The following GPC5 variants were observed in gnomAD, a reference collection of about 807,000 sequenced individuals.
GPC5 encodes glypican 5, also known as glypican-5.
A neutral mutation model predicts 53.9 loss-of-function variants in GPC5; 47 were observed. That is an observed-to-expected ratio of 0.87 (90% CI 0.69 to 1.11). GPC5 has a LOEUF of 1.11. GPC5 is among the 50% of genes most tolerant of loss of function. GPC5 has a pLI of 0.00. For missense variants in GPC5, 748 were observed against 713.1 expected, an observed-to-expected ratio of 1.05 and a Z score of -0.56; for synonymous variants, 286 against 263.3, an observed-to-expected ratio of 1.09 and a Z score of -0.84.
intron 6 of GPC5, among the ~76,000 whole-genome samples, chr13:92,056,868 G>A (rs2041078653): frequency 6.6e-6 from 1 of 152,122 alleles, no homozygotes; most frequent in African/African-American, 2.4e-5. Flanking sequence ...ACCCAGATAA[G>A]GAGGAAAATA....
chr13:92,031,433 C>T (rs2040840396), intron 6 of GPC5, among the ~76,000 whole-genome samples: 1 of 151,684 alleles, frequency 6.6e-6, no homozygotes, highest in African/African-American at 2.4e-5. Context: ...GGTGGTTCTA[C>T]TTTTAGTTCT....
At chr13:92,428,545 G>A (rs985610729) in intron 7 of GPC5, among the ~76,000 whole-genome samples, 7 of 152,036 alleles carry the variant, frequency 4.6e-5, no homozygotes, top group African/African-American at 1.7e-4. Flanking sequence ...TCTGATCATT[G>A]TTGGCTCAAA....
At chr13:92,433,086 T>C (rs577147068) in intron 7 of GPC5, among the ~76,000 whole-genome samples, 8 of 152,282 alleles carry the variant, frequency 5.3e-5, no homozygotes, top group Admixed American at 2.6e-4. Context: ...TGTTTTAAGA[T>C]AGTTAATACT....
intron 2 of GPC5, among the ~76,000 whole-genome samples, chr13:91,597,177 T>C (rs1002392343): frequency 3.3e-5 from 5 of 152,216 alleles, no homozygotes; most frequent in Admixed American, 6.5e-5. Context: ...TTGAAAATCA[T>C]TGGTTCCCAT....
intron 6 of GPC5, among the ~76,000 whole-genome samples, chr13:92,113,819 G>T (rs1409835489): frequency 1.4e-5 from 2 of 147,098 alleles, no homozygotes; most frequent in African/African-American, 2.5e-5. Context: ...GTATAAAGAA[G>T]AATTAACAAA....
intron 7 of GPC5, among the ~76,000 whole-genome samples, chr13:92,445,587 T>C (rs989196254): frequency 3.3e-5 from 5 of 150,884 alleles, no homozygotes; most frequent in African/African-American, 1.2e-4. Context: ...GTTCTTGTGA[T>C]AGTTTACTGA....
chr13:91,789,697 T>A (rs1272133329), intron 5 of GPC5, among the ~76,000 whole-genome samples: 1 of 152,218 alleles, frequency 6.6e-6, no homozygotes, highest in Non-Finnish European at 1.5e-5. Flanking sequence ...GTGTACCTGT[T>A]GTAGTTCATT....
intron 6 of GPC5, among the ~76,000 whole-genome samples, chr13:92,077,666 C>T (rs1372340403): frequency 6.6e-6 from 1 of 152,108 alleles, no homozygotes; most frequent in East Asian, 1.9e-4. Flanking sequence ...AACTGTGAGT[C>T]AACAGGTTGT....
At chr13:91,706,862 G>A (rs911945122) in intron 3 of GPC5, among the ~76,000 whole-genome samples, 1 of 152,062 alleles carries the variant, frequency 6.6e-6, no homozygotes, top group Admixed American at 6.5e-5. Context: ...GCAATCCATA[G>A]TGAATATCGA....
intron 7 of GPC5, among the ~76,000 whole-genome samples, chr13:92,757,604 G>C (rs1207215331): frequency 2.0e-5 from 3 of 152,032 alleles, no homozygotes; most frequent in Non-Finnish European, 4.4e-5. Context: ...CTAATATCCA[G>C]AATCTACAAT....
intron 7 of GPC5, among the ~76,000 whole-genome samples, chr13:92,756,017 G>A (rs1471266254): frequency 1.3e-5 from 2 of 151,982 alleles, no homozygotes; most frequent in East Asian, 1.9e-4. Flanking sequence ...GCCTGGCAGA[G>A]ACACAACCAA....
chr13:91,425,767 C>T (rs1451522165), intron 1 of GPC5, among the ~76,000 whole-genome samples: 2 of 152,060 alleles, frequency 1.3e-5, no homozygotes, highest in African/African-American at 4.8e-5. Flanking sequence ...AATGTGGAAG[C>T]GACTTTGGAA....
Position 92,027,528 on chromosome 13 carries a change from G to C in GPC5, c.1402-117302G>C, listed in dbSNP as rs1417986773. ...TCTGTTCAGTGTTTGAAATGTACAA[G>C]GTGATTTCACAAGCATTTTATCGTA... On this transcript the variant is annotated intron_variant, in intron 6 of 7. Transcript: ENST00000377067. 2.2e-4 allele frequency among the ~76,000 whole-genome samples: 34 copies of C among 152,140 alleles called. 1 individual carries two copies. The highest frequency in any genetic ancestry group is 2.2e-3 in the Admixed American group (34 of 15,266).
intron 7 of GPC5, among the ~76,000 whole-genome samples, chr13:92,532,297 T>C (rs981166857): frequency 3.9e-5 from 6 of 152,120 alleles, no homozygotes; most frequent in African/African-American, 1.4e-4. Context: ...TCAATATATA[T>C]ATTATATACC....
rs368890147 is a variant in GPC5 at position 91,756,409 on chromosome 13, T to C, written c.1269T>C (p.Asp423=). ...ADGLPCWNGE[D]IVKSYTQRVV... ...GACTTCCCTGCTGGAATGGAGAAGATATAGTAAAAAGGTATTTTATGTGGT... is the reference window on the plus strand; with the variant it reads ...GACTTCCCTGCTGGAATGGAGAAGACATAGTAAAAAGGTATTTTATGTGGT... The change falls in exon 5 of 8, where the codon GAT becomes GAC. Residue 423 remains aspartate (D), a synonymous_variant. Coordinates refer to ENST00000377067, the MANE Select transcript of GPC5 (RefSeq NM_004466.6). 112 of 1,587,204 alleles carry C rather than the reference T, an allele frequency of 7.1e-5. No individual in the cohort carries two copies. The highest frequency in any genetic ancestry group is 9.5e-5 in the Non-Finnish European group (110 of 1,162,004).
chr13:92,296,019 G>T (rs1301334100), intron 7 of GPC5, among the ~76,000 whole-genome samples: 4 of 152,116 alleles, frequency 2.6e-5, no homozygotes, highest in East Asian at 1.9e-4. Flanking sequence ...GTGTACCTTG[G>T]TTTTTTGTTT....
At chr13:91,888,754 T>C (rs1429640738) in intron 5 of GPC5, among the ~76,000 whole-genome samples, 3 of 152,150 alleles carry the variant, frequency 2.0e-5, no homozygotes, top group African/African-American at 7.2e-5. Flanking sequence ...ATGATGCAAG[T>C]TGCTTATCAG....
chr13:91,718,099 TTTG>T lies in GPC5; in HGVS notation c.1021-10405_1021-10403del, dbSNP rs200812685. 4.2e-3 allele frequency among the ~76,000 whole-genome samples: 641 copies of T among 151,318 alleles called. 15 individuals are homozygous for T. The highest frequency in any genetic ancestry group is 1.2e-3 in the Non-Finnish European group (84 of 67,796). On this transcript the variant is annotated intron_variant, in intron 3 of 7. Coordinates refer to ENST00000377067, the MANE Select transcript of GPC5 (RefSeq NM_004466.6). ...CTTAGCCTCCCACTTTCCCCTAATC[TTTG>T]TTGTTGTTGTTGTTGTTGTTGTTGT...
chr13:91,641,046 G>A (rs944792085), intron 2 of GPC5, among the ~76,000 whole-genome samples: 1 of 152,068 alleles, frequency 6.6e-6, no homozygotes. Context: ...CAAACACTGC[G>A]GCCGGGTGCA....
Sources: allele counts gnomAD v4.1 joint callset (sites outside exome capture counted in the v4.1 genomes callset), GRCh38; gene constraint gnomAD v4.1.1; transcripts MANE v1.5; gene names NCBI Gene and HGNC (gene_info 2026-07-23, HGNC 2026-07-21).